Variants in PABPC1L observed in about 807,000 individuals in gnomAD.
PABPC1L encodes polyadenylate-binding protein 1-like.
A neutral mutation model predicts 66.6 loss-of-function variants in PABPC1L; 31 were observed. That is an observed-to-expected ratio of 0.47 (90% confidence interval 0.35 to 0.63). PABPC1L has a LOEUF of 0.63. Among genes scored for constraint, PABPC1L ranks in the 20% least tolerant of loss-of-function variants. The pLI is 0.00. For missense variants in PABPC1L, 722 were observed against 848.8 expected (o/e 0.85, Z 1.86); for synonymous variants, 348 against 335.1 (o/e 1.04, Z -0.42).
At chr20:44,924,481 G>A (rs963199919) in intron 7 of PABPC1L, among the ~76,000 whole-genome samples, 2 of 152,186 alleles carry the variant, frequency 1.3e-5, no homozygotes, top group African/African-American at 4.8e-5. Flanking sequence ...CACACAGCTG[G>A]ACTTGGGGCT....
intron 12 of PABPC1L, chr20:44,937,015 A>T: frequency 1.8e-6 from 1 of 555,456 alleles, no homozygotes; most frequent in Non-Finnish European, 3.5e-6. Flanking sequence ...TCAGGGGACA[A>T]AGGGAGGAGT....
At chr20:44,930,167 G>A (rs535165837) in intron 7 of PABPC1L, among the ~76,000 whole-genome samples, 12 of 152,118 alleles carry the variant, frequency 7.9e-5, no homozygotes, top group South Asian at 2.1e-4. Flanking sequence ...ATGGGGGTGC[G>A]TGCTGCATCC....
At chr20:44,927,119 C>T (rs1388709159) in intron 7 of PABPC1L, among the ~76,000 whole-genome samples, 1 of 152,012 alleles carries the variant, frequency 6.6e-6, no homozygotes, top group African/African-American at 2.4e-5. Flanking sequence ...CTCCTGGGCT[C>T]AAGCAGTCCT....
intron 1 of PABPC1L, among the ~76,000 whole-genome samples, chr20:44,911,135 AAAAT>A (rs34724097): frequency 0.45 from 65,710 of 146,956 alleles, 15,103 homozygotes; most frequent in Admixed American, 0.53. Flanking sequence ...GTGGTAACCT[AAAAT>A]AAATAAATAA....
chr20:44,932,213 T>C (rs1274519666), intron 8 of PABPC1L, 129 bp from the exon 9 acceptor site: 2 of 568,034 alleles, frequency 3.5e-6, no homozygotes, highest in Non-Finnish European at 6.0e-6. Context: ...CATTACAGCC[T>C]TGTGGGTCTT....
intron 12 of PABPC1L, chr20:44,937,127 T>G: frequency 2.6e-6 from 1 of 390,140 alleles, no homozygotes; most frequent in East Asian, 7.1e-5. Context: ...TTCACCAGTT[T>G]CCAGTGCTCA....
chr20:44,918,086 G>A (rs2066749078), intron 3 of PABPC1L, among the ~76,000 whole-genome samples: 1 of 152,222 alleles, frequency 6.6e-6, no homozygotes, highest in Non-Finnish European at 1.5e-5. Flanking sequence ...AGCACTTTGT[G>A]AGGCAGAGGT....
intron 3 of PABPC1L, among the ~76,000 whole-genome samples, chr20:44,917,378 T>TG (rs397752159): frequency 6.6e-6 from 1 of 150,706 alleles, no homozygotes; most frequent in Non-Finnish European, 1.5e-5. Flanking sequence ...TTTTTTTTTT[T>TG]GTAGAGATGG....
At chr20:44,921,150 A>ATTT (rs3092593) in intron 5 of PABPC1L, among the ~76,000 whole-genome samples, 1 of 135,576 alleles carries the variant, frequency 7.4e-6, no homozygotes, top group Admixed American at 7.5e-5. Flanking sequence ...CCCAGTCCGA[A>ATTT]TTTTTTTTTT....
intron 8 of PABPC1L, among the ~76,000 whole-genome samples, chr20:44,931,106 TTCGTGGGGTCTCCATGTCA>T: frequency 8.4e-6 from 1 of 119,098 alleles, no homozygotes; most frequent in Admixed American, 9.1e-5. Flanking sequence ...CCTTCCTTCC[TTCGTGGGGTCTCCATGTCA>T]CCCAGGCTGG....
chr20:44,929,779 A>G (rs886419925), intron 7 of PABPC1L, among the ~76,000 whole-genome samples: 1 of 150,114 alleles, frequency 6.7e-6, no homozygotes, highest in Non-Finnish European at 1.5e-5. Context: ...TGAGTGACAG[A>G]GTGAAACTAT....
intron 12 of PABPC1L, 118 bp downstream of exon 12, chr20:44,936,848 G>A (rs778564016): frequency 4.7e-6 from 5 of 1,073,444 alleles, no homozygotes; most frequent in African/African-American, 3.1e-5. Context: ...CTTTGTCACC[G>A]ACCCCCCTAC....
intron 2 of PABPC1L, among the ~76,000 whole-genome samples, chr20:44,913,363 C>A (rs753128064): frequency 3.3e-5 from 5 of 151,956 alleles, no homozygotes; most frequent in Non-Finnish European, 7.4e-5. Context: ...TGGAAGCACA[C>A]CAGGCCTCTT....
rs1180998619 is a variant in PABPC1L, at chr20:44,933,215, G to A, written c.1459+30G>A. On this transcript the variant is annotated intron_variant, in intron 10 of 14. Transcript: ENST00000217073. The stretch of plus-strand genomic sequence containing the variant: ...GTGTGGGTAGGGCCAAGGGGAATGG[G>A]GGTGGGGCAAAGTTGGCACTAGGAG... The A allele has an allele frequency of 3.2e-6, 5 of 1,563,038 alleles. No individual in the cohort carries two copies. In the African/African-American group the frequency reaches 5.4e-5, roughly 17 times the overall value.
Position 44,930,733 on chromosome 20 carries a change from G to T in PABPC1L, c.1239+7G>T. 1 of 1,610,664 alleles carries T rather than the reference G, an allele frequency of 6.2e-7. No homozygotes were observed. The highest frequency in any genetic ancestry group is 8.5e-7 in the Non-Finnish European group (1 of 1,178,946). On this transcript the variant is annotated splice_region_variant and intron_variant, in intron 8 of 14. Coordinates refer to ENST00000217073, the MANE Select transcript of PABPC1L (RefSeq NM_001372179.1). ...CCTGCCTGCCATGCCCCAGGTGACG[G>T]CCTGCCCGCAACTCCCACCGCAGCC...
chr20:44,913,533 G>T (rs1202797192), intron 2 of PABPC1L, among the ~76,000 whole-genome samples: 1 of 151,954 alleles, frequency 6.6e-6, no homozygotes, highest in Admixed American at 6.6e-5. Context: ...CGATTCTCCT[G>T]CCTCAGCCTC....
At chr20:44,935,757 A>G (rs2066896669) in intron 11 of PABPC1L, among the ~76,000 whole-genome samples, 1 of 152,230 alleles carries the variant, frequency 6.6e-6, no homozygotes, top group Non-Finnish European at 1.5e-5. Flanking sequence ...ATGAACACCA[A>G]GGAAAGGTAT....
rs143720181 is a variant in PABPC1L, at chr20:44,921,906, C to T, written c.876+175C>T. 1.3e-4 allele frequency among the ~76,000 whole-genome samples: 20 copies of T among 152,286 alleles called. No individual in the cohort carries two copies. In the East Asian group the frequency reaches 2.1e-3, roughly 16 times the overall value. ...CCTAATGTATAACAGTGAGAAACTG[C>T]GCACAACCCAACTGTCCAACCATCA... is the stretch of plus-strand genomic sequence containing the variant. On this transcript the variant is annotated intron_variant, in intron 6 of 14. Coordinates refer to ENST00000217073, the MANE Select transcript of PABPC1L (RefSeq NM_001372179.1).
chr20:44,929,744 G>T (rs2066836930), intron 7 of PABPC1L, among the ~76,000 whole-genome samples: 1 of 150,696 alleles, frequency 6.6e-6, no homozygotes, highest in South Asian at 2.1e-4. Flanking sequence ...GCAGTTAGCC[G>T]AGATCGTGCC....
Sources: allele counts gnomAD v4.1 joint callset (sites outside exome capture counted in the v4.1 genomes callset), GRCh38; gene constraint gnomAD v4.1.1; transcripts MANE v1.5; gene names NCBI Gene and HGNC (gene_info 2026-07-23, HGNC 2026-07-21).